Variants in CA11 observed in about 807,000 individuals in gnomAD.
CA11 encodes carbonic anhydrase 11 (inactive), also known as carbonic anhydrase-related protein 11.
CA11 carries 20 observed loss-of-function variants against 39.3 expected under a neutral mutation model. The observed-to-expected ratio is 0.51, with a 90% CI of 0.36 to 0.74. The LOEUF (loss-of-function observed/expected upper bound fraction) is 0.74. Ranked by LOEUF, CA11 falls within the 30% of genes least tolerant of loss-of-function variation. CA11 has a pLI of 0.00. For synonymous variants in CA11, 166 were observed against 172.5 expected, an observed-to-expected ratio of 0.96 and a Z score of 0.29; for missense variants, 336 against 424.6, an observed-to-expected ratio of 0.79 and a Z score of 1.83.
rs760057590 is a variant in CA11 at position 48,640,083 on chromosome 19, A to G, written c.471+12T>C. The G allele has an allele frequency of 6.2e-7, 1 of 1,607,990 alleles. No homozygotes were observed. The highest frequency in any genetic ancestry group is 8.5e-7 in the Non-Finnish European group (1 of 1,175,328). The stretch of plus-strand genomic sequence containing the variant: ...GGCGGAGGGTGGCGGGTAAACAATC[A>G]GTGGCCACTACCTCAGCAGAGAAGC... On this transcript the variant is annotated intron_variant, in intron 4 of 8. Transcript: ENST00000084798.
chr19:48,645,707 G>GC lies in CA11; in HGVS notation c.-76_-75insG. The GC allele has an allele frequency of 8.0e-7, 1 of 1,251,406 alleles. No homozygotes were observed. Among genetic ancestry groups the GC allele is most frequent in the Non-Finnish European group, 1.1e-6 (1 of 933,280 alleles). 77.5% of individuals were successfully genotyped at this position (1,251,406 alleles called of 1,614,324 possible). On this transcript the variant is annotated 5_prime_UTR_variant, in exon 1 of 9. Coordinates refer to ENST00000084798, the MANE Select transcript of CA11 (RefSeq NM_001217.5). Reference sequence around the variant, plus strand: ...TCAGCTCCTCTGTCCCCTCCTTCTGGGACCCTGTCCCTCCAGGACTTCCAG... The same window carrying GC: ...TCAGCTCCTCTGTCCCCTCCTTCTGGCGACCCTGTCCCTCCAGGACTTCCAG...
intron 4 of CA11, 97 bp downstream of exon 4, chr19:48,639,998 G>C: frequency 6.6e-7 from 1 of 1,510,270 alleles, no homozygotes; most frequent in East Asian, 2.3e-5. Flanking sequence ...GGCCAGTTCT[G>C]TGGAGGAGGA....
Sources: allele counts gnomAD v4.1 joint callset, GRCh38; gene constraint gnomAD v4.1.1; transcripts MANE v1.5; gene names NCBI Gene and HGNC (gene_info 2026-07-23, HGNC 2026-07-21).